The following MED12L variants were observed in gnomAD, a reference collection of about 807,000 sequenced individuals.
The protein encoded by MED12L is mediator of RNA polymerase II transcription subunit 12-like protein.
MED12L carries 60 observed loss-of-function variants against 281.3 expected under a neutral mutation model. That is an observed-to-expected ratio of 0.21 (90% CI 0.17 to 0.26). MED12L has a LOEUF of 0.26. MED12L is among the 10% of genes least tolerant of loss of function. The pLI is 1.00. For synonymous variants in MED12L, 974 were observed against 987.2 expected, an observed-to-expected ratio of 0.99 and a Z score of 0.25; for missense variants, 2,146 against 2,680.9, an observed-to-expected ratio of 0.80 and a Z score of 4.41.
intron 39 of MED12L, among the ~76,000 whole-genome samples, chr3:151,397,326 AGTGT>A (rs1715104929): frequency 6.6e-6 from 1 of 152,136 alleles, no homozygotes; most frequent in African/African-American, 2.4e-5. Context: ...TCATTCTTCA[AGTGT>A]TAGATAATTG....
intron 16 of MED12L, among the ~76,000 whole-genome samples, chr3:151,197,480 G>A (rs10513386): frequency 3.3e-5 from 5 of 152,174 alleles, no homozygotes; most frequent in Middle Eastern, 3.4e-3. Context: ...GGGGCCCTAC[G>A]TGGAGTCAGG....
intron 16 of MED12L, chr3:151,338,434 G>A (rs1291847651): frequency 6.2e-7 from 1 of 1,613,974 alleles, no homozygotes; most frequent in Admixed American, 1.7e-5. Flanking sequence ...GCCCCCAAGA[G>A]ATTTTTGGGG....
chr3:151,145,517 C>T (rs60532249), intron 5 of MED12L, among the ~76,000 whole-genome samples: 2,838 of 152,246 alleles, frequency 0.019, 101 homozygotes, highest in African/African-American at 0.065. Context: ...CTGGCGTATT[C>T]AAAACTAAAC....
chr3:151,194,824 A>G (rs576234770), intron 16 of MED12L, among the ~76,000 whole-genome samples: 2 of 152,252 alleles, frequency 1.3e-5, no homozygotes, highest in African/African-American at 4.8e-5. Context: ...TTTTAAGTAC[A>G]ATTTCAGGGA....
chr3:151,413,982 A>G (rs1717263041), intron 42 of MED12L, among the ~76,000 whole-genome samples: 2 of 151,082 alleles, frequency 1.3e-5, no homozygotes, highest in Non-Finnish European at 3.0e-5. Flanking sequence ...CCTGAGTAGC[A>G]GGGATTACAG....
intron 16 of MED12L, chr3:151,214,242 A>C: frequency 1.9e-6 from 3 of 1,614,020 alleles, no homozygotes; most frequent in Non-Finnish European, 2.5e-6. Flanking sequence ...ACAGCACAGG[A>C]ATGATCTGCT....
chr3:151,233,170 C>T (rs1292004541), intron 16 of MED12L, among the ~76,000 whole-genome samples: 1 of 152,166 alleles, frequency 6.6e-6, no homozygotes, highest in Non-Finnish European at 1.5e-5. Flanking sequence ...TCATTTGCAG[C>T]TCTGGATGTT....
chr3:151,149,765 C>T (rs1357541274), intron 5 of MED12L, among the ~76,000 whole-genome samples: 1 of 152,148 alleles, frequency 6.6e-6, no homozygotes, highest in Non-Finnish European at 1.5e-5. Context: ...TGGAATATTC[C>T]AAATCCTTTG....
At chr3:151,269,702 A>T in intron 16 of MED12L, 2 of 418,894 alleles carry the variant, frequency 4.8e-6, no homozygotes, top group Non-Finnish European at 9.2e-6. Flanking sequence ...TTTTATTTTG[A>T]TGAAAATCTT....
At chr3:151,392,628 A>C (rs972918295) in intron 38 of MED12L, among the ~76,000 whole-genome samples, 2 of 152,164 alleles carry the variant, frequency 1.3e-5, no homozygotes, top group Admixed American at 6.5e-5. Flanking sequence ...TATAGGGTTT[A>C]AATGCAAAAC....
At position 151,168,583 on chromosome 3, in the gene MED12L, A is replaced by G. The variant is rs1402391960; in HGVS notation, c.1494+2601A>G. ...AGTAATTATTTTGAATGTTGACTCA[A>G]CTTCAGAAAGACTTGATGAAAACTA... is the stretch of plus-strand genomic sequence containing the variant. On this transcript the variant is annotated intron_variant, in intron 11 of 44. Transcript: ENST00000687756. 6.6e-5 allele frequency among the ~76,000 whole-genome samples: 10 copies of G among 152,374 alleles called. No individual in the cohort carries two copies. In the East Asian group the frequency reaches 1.7e-3, roughly 26 times the overall value.
intron 2 of MED12L, among the ~76,000 whole-genome samples, chr3:151,095,500 G>A (rs1720596410): frequency 6.6e-6 from 1 of 152,062 alleles, no homozygotes; most frequent in Admixed American, 6.5e-5. Context: ...ACCATGCCCA[G>A]CTAATTTTTG....
rs189760433 is a variant in MED12L, at chr3:151,417,318, G to C, written c.6408+896G>C. On this transcript the variant is annotated intron_variant, in intron 43 of 44. Coordinates refer to ENST00000687756, the MANE Select transcript of MED12L (RefSeq NM_001393769.1). ...CAACTTGTAGAAAAGGGGGAACAACGTGGTATAGAGATAGTACATGTGGAG... is the reference window on the plus strand; with the variant it reads ...CAACTTGTAGAAAAGGGGGAACAACCTGGTATAGAGATAGTACATGTGGAG... 3.3e-5 allele frequency among the ~76,000 whole-genome samples: 5 copies of C among 152,176 alleles called. No homozygotes were observed. In the East Asian group the frequency reaches 9.7e-4, roughly 29 times the overall value.
intron 11 of MED12L, among the ~76,000 whole-genome samples, chr3:151,175,958 T>G (rs78033696): frequency 0.018 from 2,793 of 152,322 alleles, 90 homozygotes; most frequent in African/African-American, 0.064. Flanking sequence ...ACCTTATTGA[T>G]TTTTGAATTT....
At chr3:151,178,316 C>A (rs1722328571) in intron 11 of MED12L, among the ~76,000 whole-genome samples, 1 of 152,042 alleles carries the variant, frequency 6.6e-6, no homozygotes, top group Non-Finnish European at 1.5e-5. Flanking sequence ...CCTGAGCCTT[C>A]CTAGTGTATA....
intron 16 of MED12L, chr3:151,214,295 G>A: frequency 6.2e-7 from 1 of 1,613,488 alleles, no homozygotes; most frequent in African/African-American, 1.3e-5. Flanking sequence ...TCTGGAGGCT[G>A]TGTGGAGGTT....
At chr3:151,166,063 G>T in intron 11 of MED12L, 81 bp downstream of exon 11, 1 of 1,243,742 alleles carries the variant, frequency 8.0e-7, no homozygotes, top group Non-Finnish European at 1.1e-6. Flanking sequence ...AAACTCTGGC[G>T]AAACCTTTTC....
At chr3:151,145,825 G>T (rs1717685732) in intron 5 of MED12L, among the ~76,000 whole-genome samples, 1 of 152,182 alleles carries the variant, frequency 6.6e-6, no homozygotes, top group Non-Finnish European at 1.5e-5. Context: ...AAATGTGTTA[G>T]CTGCCCTTTC....
In MED12L at chr3:151,385,077, G is replaced by T. The variant is rs1409802647; in HGVS notation, c.4974G>T (p.Gln1658His). Residue 1658 changes from glutamine (Q) to histidine (H), a missense_variant, in exon 36 of 45, where the codon CAG (glutamine) becomes CAT (histidine). By Grantham distance (24) the Gln-to-His change is conservative. Coordinates refer to ENST00000687756, the MANE Select transcript of MED12L (RefSeq NM_001393769.1). Reference protein sequence around the residue: ...KRSESIDKVRQLLPLPKQTCD... With the variant: ...KRSESIDKVRHLLPLPKQTCD... ...CAGAAAGTATTGACAAAGTTCGACA[G>T]TTACTACCTTTGCCGAAACAGACAT... 6.2e-7 allele frequency: 1 copy of T among 1,611,196 alleles called. No individual in the cohort carries two copies. Among genetic ancestry groups the T allele is most frequent in the Non-Finnish European group, 8.5e-7 (1 of 1,178,152 alleles).
Sources: allele counts gnomAD v4.1 joint callset (sites outside exome capture counted in the v4.1 genomes callset), GRCh38; gene constraint gnomAD v4.1.1; transcripts MANE v1.5; gene names NCBI Gene and HGNC (gene_info 2026-07-23, HGNC 2026-07-21).